ATRN: variants seen among roughly 807,000 people sequenced by gnomAD.
ATRN encodes attractin-2.
In ATRN, 54 loss-of-function variants were observed where a neutral mutation model predicts 178.7. The observed-to-expected ratio is 0.30, with a 90% CI of 0.24 to 0.38. The LOEUF is 0.38. Among genes scored for constraint, ATRN ranks in the 10% least tolerant of loss-of-function variants. The pLI is 1.00. For synonymous variants in ATRN, 636 were observed against 663.0 expected (o/e 0.96, Z 0.63); for missense variants, 1,443 against 1,815.1 (o/e 0.79, Z 3.73).
intron 1 of ATRN, among the ~76,000 whole-genome samples, chr20:3,522,237 A>G (rs1183340318): frequency 6.6e-6 from 1 of 152,270 alleles, no homozygotes; most frequent in Non-Finnish European, 1.5e-5. Context: ...GTGTAAACAC[A>G]GTCTGTTACA....
intron 13 of ATRN, among the ~76,000 whole-genome samples, chr20:3,576,391 G>T (rs1445677310): frequency 1.3e-5 from 2 of 152,048 alleles, no homozygotes; most frequent in East Asian, 1.9e-4. Context: ...ATCATATATA[G>T]ATTTTTAAAT....
chr20:3,482,283 GAC>G (rs747555238), intron 1 of ATRN, among the ~76,000 whole-genome samples: 4 of 151,332 alleles, frequency 2.6e-5, no homozygotes, highest in Non-Finnish European at 4.4e-5. Flanking sequence ...AAAAAAAAAA[GAC>G]ATTACATTTT....
At chr20:3,563,846 A>G (rs1177446976) in intron 10 of ATRN, among the ~76,000 whole-genome samples, 1 of 152,254 alleles carries the variant, frequency 6.6e-6, no homozygotes, top group African/African-American at 2.4e-5. Flanking sequence ...TTCATTTTAA[A>G]CAAATTATTA....
At chr20:3,620,366 C>T (rs900492616) in intron 24 of ATRN, among the ~76,000 whole-genome samples, 1 of 152,078 alleles carries the variant, frequency 6.6e-6, no homozygotes, top group Admixed American at 6.6e-5. Context: ...TGTGCCTCAG[C>T]CCCCCAAGTA....
intron 1 of ATRN, chr20:3,491,150 A>G (rs185031561): frequency 0.044 from 22,259 of 511,650 alleles, 598 homozygotes; most frequent in Non-Finnish European, 0.053. Flanking sequence ...TCTCTGGGGG[A>G]AAAAAATCAA....
intron 1 of ATRN, among the ~76,000 whole-genome samples, chr20:3,523,675 G>C (rs1490425555): frequency 6.6e-6 from 1 of 152,154 alleles, no homozygotes; most frequent in African/African-American, 2.4e-5. Context: ...GAGAAAGACT[G>C]AGTTACCCTC....
chr20:3,474,483 G>GCA (rs1277862883), intron 1 of ATRN, among the ~76,000 whole-genome samples: 1 of 147,188 alleles, frequency 6.8e-6, no homozygotes, highest in African/African-American at 2.5e-5. Flanking sequence ...CCGAGGCGGT[G>GCA]TATCACGAGG....
At chr20:3,566,162 G>T (rs750503386) in intron 11 of ATRN, among the ~76,000 whole-genome samples, 1 of 152,134 alleles carries the variant, frequency 6.6e-6, no homozygotes, top group Non-Finnish European at 1.5e-5. Flanking sequence ...CACTTCAGAT[G>T]GGGGGATAAG....
Position 3,576,879 on chromosome 20 carries a change from G to T in ATRN, c.2235G>T (p.Glu745Asp). 1 of 1,614,082 alleles carries T rather than the reference G, an allele frequency of 6.2e-7. No individual in the cohort carries two copies. The highest frequency in any genetic ancestry group is 8.5e-7 in the Non-Finnish European group (1 of 1,179,986). The change falls in exon 14 of 29, where the codon GAG becomes GAT. Residue 745 changes from glutamate (E) to aspartate (D), a missense_variant. Transcript: ENST00000262919. ...TCTAGATCTCCATTTTTAGGTATGAGAATTGCCCCAAGGATAACCCCATGT... is the reference window on the plus strand; with the variant it reads ...TCTAGATCTCCATTTTTAGGTATGATAATTGCCCCAAGGATAACCCCATGT... ...SEGQISIFRY[E>D]NCPKDNPMYY...
rs994719086 is a variant in ATRN at position 3,489,502 on chromosome 20, C to A, written c.410+17985C>A. ...AGATCTCAGGGAAGCCTGGGCTAGC[C>A]CAAAAGCTGAGCTACATCCCTGAGC... On this transcript the variant is annotated intron_variant, in intron 1 of 28. Coordinates refer to ENST00000262919, the MANE Select transcript of ATRN (RefSeq NM_139321.3). The A allele has an allele frequency of 2.4e-6, 3 of 1,274,188 alleles. No individual in the cohort carries two copies. The Admixed American group carries it at 5.1e-5, about 21-fold the overall frequency. The allele number at this position is 1,274,188 out of a possible 1,614,324, so 78.9% of individuals were successfully genotyped here.
chr20:3,607,447 G>T (rs2086690744), intron 24 of ATRN, among the ~76,000 whole-genome samples: 1 of 151,934 alleles, frequency 6.6e-6, no homozygotes, highest in South Asian at 2.1e-4. Context: ...AGTTTTTTTA[G>T]CTCCCACATC....
At chr20:3,586,454 A>G (rs569789405) in intron 18 of ATRN, among the ~76,000 whole-genome samples, 2 of 152,150 alleles carry the variant, frequency 1.3e-5, no homozygotes, top group Admixed American at 6.5e-5. Context: ...TTTCTAGAGT[A>G]GCTGCAGCAT....
At chr20:3,506,006 G>T (rs1275409383) in intron 1 of ATRN, among the ~76,000 whole-genome samples, 1 of 152,098 alleles carries the variant, frequency 6.6e-6, no homozygotes, top group African/African-American at 2.4e-5. Context: ...GACTGTGGAG[G>T]TAGATCCTTG....
chr20:3,591,325 G>T lies in ATRN; in HGVS notation c.3322+19G>T. The T allele has an allele frequency of 6.2e-7, 1 of 1,610,076 alleles. No homozygotes were observed. The highest frequency in any genetic ancestry group is 1.1e-5 in the South Asian group (1 of 90,634). On this transcript the variant is annotated intron_variant, in intron 19 of 28. Transcript: ENST00000262919. ...TGTCAGCGTAAGTCAAATTGGTCAG[G>T]TTTACTCATGGCAAATCGGTGTGGA...
At chr20:3,531,094 G>A (rs2085447663) in intron 1 of ATRN, among the ~76,000 whole-genome samples, 1 of 152,150 alleles carries the variant, frequency 6.6e-6, no homozygotes, top group Non-Finnish European at 1.5e-5. Context: ...GATTATCAAT[G>A]ATACTGTAAA....
intron 24 of ATRN, among the ~76,000 whole-genome samples, chr20:3,610,121 T>C (rs557217384): frequency 4.6e-5 from 7 of 152,250 alleles, no homozygotes; most frequent in South Asian, 2.1e-4. Context: ...TTTTATGTTA[T>C]ATCTTACTAC....
At position 3,582,392 on chromosome 20, in the gene ATRN, A is replaced by G. The variant is rs763179348; in HGVS notation, c.2764+38A>G. The G allele has an allele frequency of 2.5e-6, 4 of 1,579,802 alleles. No individual in the cohort carries two copies. In the South Asian group the frequency reaches 4.4e-5, roughly 18 times the overall value. On this transcript the variant is annotated intron_variant, in intron 16 of 28. Transcript: ENST00000262919. ...GTGAATTAGGTGGTATTCAGAGTTT[A>G]TTGTGAGAGAAACCATAGGAGGCAT...
chr20:3,639,004 C>G (rs2087046659), intron 27 of ATRN, 69 bp downstream of exon 27: 1 of 1,275,950 alleles, frequency 7.8e-7, no homozygotes, highest in East Asian at 2.4e-5. Flanking sequence ...TCTGGGAAAC[C>G]AGAGAGAGCA....
At chr20:3,563,460 A>C (rs2085982596) in intron 10 of ATRN, 97 bp downstream of exon 10, 1 of 1,292,622 alleles carries the variant, frequency 7.7e-7, no homozygotes, top group Non-Finnish European at 1.1e-6. Flanking sequence ...GTTCAAAATG[A>C]TCAGGCCATT....
Sources: allele counts gnomAD v4.1 joint callset (sites outside exome capture counted in the v4.1 genomes callset), GRCh38; gene constraint gnomAD v4.1.1; transcripts MANE v1.5; gene names NCBI Gene and HGNC (gene_info 2026-07-23, HGNC 2026-07-21).